GPC6: variants seen among roughly 807,000 people sequenced by gnomAD.
GPC6 encodes glypican-6.
A neutral mutation model predicts 55.2 loss-of-function variants in GPC6; 14 were observed. That is an observed-to-expected ratio of 0.25 (90% CI 0.17 to 0.40). The LOEUF is 0.40. Ranked by LOEUF, GPC6 falls within the 10% of genes least tolerant of loss-of-function variation. The probability of loss-of-function intolerance (pLI) is 1.00; values close to 1 mark genes in which losing one functional copy is unlikely to be tolerated. For synonymous variants in GPC6, 278 were observed against 259.6 expected, an observed-to-expected ratio of 1.07 and a Z score of -0.68; for missense variants, 641 against 708.5, an observed-to-expected ratio of 0.90 and a Z score of 1.08.
At chr13:94,254,855 A>G (rs1275413239) in intron 4 of GPC6, among the ~76,000 whole-genome samples, 1 of 152,148 alleles carries the variant, frequency 6.6e-6, no homozygotes, top group Non-Finnish European at 1.5e-5. Flanking sequence ...AACCTTCTGT[A>G]GTCTCCTCAT....
chr13:93,737,311 C>G (rs190958361), intron 2 of GPC6, among the ~76,000 whole-genome samples: 1 of 152,268 alleles, frequency 6.6e-6, no homozygotes, highest in East Asian at 1.9e-4. Flanking sequence ...CCATATTACT[C>G]ATTTAATTAA....
At chr13:94,301,350 T>C (rs1182486987) in intron 5 of GPC6, among the ~76,000 whole-genome samples, 2 of 152,110 alleles carry the variant, frequency 1.3e-5, no homozygotes, top group African/African-American at 4.8e-5. Context: ...GGTGTTGTGT[T>C]TGTGCCATTG....
At chr13:93,394,479 A>G (rs1473788007) in intron 1 of GPC6, among the ~76,000 whole-genome samples, 1 of 152,200 alleles carries the variant, frequency 6.6e-6, no homozygotes, top group African/African-American at 2.4e-5. Context: ...TCATTTGGTG[A>G]TTACCTCAAT....
intron 1 of GPC6, among the ~76,000 whole-genome samples, chr13:93,276,074 C>T (rs1031363716): frequency 2.0e-5 from 3 of 152,114 alleles, no homozygotes; most frequent in East Asian, 1.9e-4. Context: ...CAGGGTTTCA[C>T]CGTGTTAGCC....
chr13:94,219,369 G>C (rs1433847120), intron 4 of GPC6, among the ~76,000 whole-genome samples: 1 of 152,168 alleles, frequency 6.6e-6, no homozygotes, highest in Non-Finnish European at 1.5e-5. Context: ...ATGGGTAGTA[G>C]GGACAGTTAC....
chr13:93,575,248 A>G (rs1432683802), intron 2 of GPC6, among the ~76,000 whole-genome samples: 1 of 152,048 alleles, frequency 6.6e-6, no homozygotes, highest in African/African-American at 2.4e-5. Flanking sequence ...CCAAGATTAT[A>G]CCACTGCACT....
chr13:93,944,525 T>C (rs1352832585), intron 3 of GPC6, among the ~76,000 whole-genome samples: 2 of 152,162 alleles, frequency 1.3e-5, no homozygotes, highest in Non-Finnish European at 2.9e-5. Flanking sequence ...ATCACCTCGA[T>C]AATTTGAAGA....
chr13:94,026,382 T>C (rs935186686), intron 3 of GPC6, among the ~76,000 whole-genome samples: 1 of 152,156 alleles, frequency 6.6e-6, no homozygotes, highest in South Asian at 2.1e-4. Flanking sequence ...ACTGGTGTTA[T>C]GTTTCTTCAG....
chr13:93,821,947 T>A (rs900749143), intron 2 of GPC6, among the ~76,000 whole-genome samples: 1 of 152,158 alleles, frequency 6.6e-6, no homozygotes, highest in Admixed American at 6.6e-5. Flanking sequence ...CATGAAAATA[T>A]GATTTCTATG....
chr13:93,835,593 A>C (rs907751695), intron 3 of GPC6, among the ~76,000 whole-genome samples: 4 of 152,132 alleles, frequency 2.6e-5, no homozygotes, highest in African/African-American at 9.7e-5. Context: ...TCTCTACTAA[A>C]AATACAAAAT....
chr13:94,330,803 T>G (rs1170633898), intron 6 of GPC6, among the ~76,000 whole-genome samples: 1 of 152,172 alleles, frequency 6.6e-6, no homozygotes, highest in Non-Finnish European at 1.5e-5. Context: ...CATATTCACC[T>G]ATATATCTCT....
At chr13:93,287,733 G>A (rs9523998) in intron 1 of GPC6, among the ~76,000 whole-genome samples, 69,148 of 152,020 alleles carry the variant, frequency 0.45, 17,853 homozygotes, top group African/African-American at 0.71. Context: ...TGTGTATTAC[G>A]GGGGGAAATG....
At chr13:93,582,086 A>C (rs1876963392) in intron 2 of GPC6, among the ~76,000 whole-genome samples, 2 of 152,218 alleles carry the variant, frequency 1.3e-5, no homozygotes. Context: ...AAACTTAAAA[A>C]CTAAATTTTT....
chr13:93,530,528 T>A (rs1881826392), intron 1 of GPC6, among the ~76,000 whole-genome samples: 1 of 151,912 alleles, frequency 6.6e-6, no homozygotes, highest in Non-Finnish European at 1.5e-5. Context: ...CTCAATTAAG[T>A]GAAAGAAGGA....
At chr13:94,283,969 G>A (rs1056120802) in intron 4 of GPC6, among the ~76,000 whole-genome samples, 8 of 152,300 alleles carry the variant, frequency 5.3e-5, no homozygotes, top group East Asian at 1.9e-4. Context: ...CCTTGATGTC[G>A]CAAAGTTATT....
At chr13:94,057,220 T>G (rs1359005287) in intron 4 of GPC6, among the ~76,000 whole-genome samples, 1 of 152,198 alleles carries the variant, frequency 6.6e-6, no homozygotes, top group Non-Finnish European at 1.5e-5. Flanking sequence ...TGGAAGAAAG[T>G]ATATCATATT....
rs192115931 is a variant in GPC6 at position 94,157,419 on chromosome 13, G to A, written c.878-128930G>A. Among the ~76,000 whole-genome samples the A allele has an allele frequency of 2.2e-3, 333 of 152,182 alleles. 2 individuals are homozygous for A. The highest frequency in any genetic ancestry group is 7.6e-3 in the African/African-American group (314 of 41,552). On this transcript the variant is annotated intron_variant, in intron 4 of 8. Transcript: ENST00000377047. Reference sequence around the variant, plus strand: ...TGAATCATAGAAACCTTCGTGATAGGAGTCAAAGCCCAGGTGGGCTTGAAA... The same window carrying A: ...TGAATCATAGAAACCTTCGTGATAGAAGTCAAAGCCCAGGTGGGCTTGAAA...
intron 6 of GPC6, among the ~76,000 whole-genome samples, chr13:94,341,094 A>AAAAT (rs2139156147): frequency 2.0e-5 from 3 of 152,374 alleles, no homozygotes; most frequent in African/African-American, 7.2e-5. Context: ...ACGACAAGAT[A>AAAAT]AAATAATAGC....
chr13:93,632,545 G>GACTGCAGTGAACTGCAATCCT (rs147783118), intron 2 of GPC6, among the ~76,000 whole-genome samples: 68,400 of 149,100 alleles, frequency 0.46, 17,973 homozygotes, highest in Middle Eastern at 0.63. Context: ...GGTATGTTGA[G>GACTGCAGTGAACTGCAATCCT]ACCACTGCAC....
Sources: gnomAD v4.1 joint callset for allele counts (sites outside exome capture counted in the v4.1 genomes callset) on GRCh38, gnomAD v4.1.1 for gene constraint, MANE v1.5 for transcripts, NCBI Gene and HGNC (gene_info 2026-07-23, HGNC 2026-07-21) for gene names.